Variants in TECPR1 observed in about 807,000 individuals in gnomAD.
TECPR1 encodes tectonin beta-propeller repeat-containing protein 1.
Under a neutral mutation model 162.4 loss-of-function variants are expected in TECPR1, and 122 were observed. That is an observed-to-expected ratio of 0.75 (90% CI 0.65 to 0.87). TECPR1 has a LOEUF of 0.87. Among genes scored for constraint, TECPR1 ranks in the 40% least tolerant of loss-of-function variants. The pLI is 0.00. For synonymous variants in TECPR1, 642 were observed against 670.6 expected, an observed-to-expected ratio of 0.96 and a Z score of 0.66; for missense variants, 1,432 against 1,618.2, an observed-to-expected ratio of 0.88 and a Z score of 1.97.
chr7:98,223,595 A>C, intron 20 of TECPR1, 67 bp downstream of exon 20: 36 of 1,559,082 alleles, frequency 2.3e-5, no homozygotes, highest in Non-Finnish European at 3.2e-5. Context: ...GCAGGGAACC[A>C]GAGCTCCCTC....
rs781079517 is a variant in TECPR1 at position 98,231,092 on chromosome 7, G to T, written c.2151C>A (p.Cys717Ter). Residue 717 changes from cysteine (C) to a stop codon, truncating the protein, a stop_gained, in exon 15 of 26, where the codon TGC becomes TGA. Transcript: ENST00000447648. LOFTEE classifies it high-confidence loss of function. ...GGCGGCCCTGCACCTTCCGGCTCTC[G>T]CAGCAAGACAGGCTGAGCAGGGCGA... is the stretch of plus-strand genomic sequence containing the variant. ...DWLALLSLSC[C>*]ESRKVQGRPS... 6.2e-7 allele frequency: 1 copy of T among 1,603,520 alleles called. No individual in the cohort carries two copies. The highest frequency in any genetic ancestry group is 8.5e-7 in the Non-Finnish European group (1 of 1,175,922).
rs1482233388 is a variant in TECPR1, at chr7:98,217,374, GGT to G, written c.*14_*15del. ...AAACTGGGCACCGTCCCTGCATGTA[GGT>G]GTGTGGGGGGGCCTCAGCAGCAGAC... On this transcript the variant is annotated 3_prime_UTR_variant, in exon 26 of 26. Transcript: ENST00000447648. The G allele has an allele frequency of 6.7e-7, 1 of 1,482,502 alleles. No homozygotes were observed. The highest frequency in any genetic ancestry group is 1.2e-5 in the South Asian group (1 of 83,334). 91.8% of individuals were successfully genotyped at this position (1,482,502 alleles called of 1,614,324 possible).
chr7:98,227,892 T>G, intron 17 of TECPR1, 122 bp downstream of exon 17: 1 of 702,098 alleles, frequency 1.4e-6, no homozygotes, highest in Middle Eastern at 3.4e-4. Context: ...GTTAGTTTCC[T>G]GCTGGCGGCC....
Position 98,241,421 on chromosome 7 carries a change from C to T in TECPR1, c.658-177G>A. 1.4e-6 allele frequency: 1 copy of T among 724,806 alleles called. No homozygotes were observed. Among genetic ancestry groups the T allele is most frequent in the Non-Finnish European group, 2.2e-6 (1 of 448,860 alleles). 44.9% of individuals were successfully genotyped at this position (724,806 alleles called of 1,614,324 possible). A position where few individuals can be genotyped will look rare whatever the true frequency, so the allele number is the denominator to read the frequency against. On this transcript the variant is annotated intron_variant, in intron 6 of 25. Coordinates refer to ENST00000447648, the MANE Select transcript of TECPR1 (RefSeq NM_015395.3). The surrounding 1 kb of genome is among the most constrained non-coding windows in gnomAD (Gnocchi z 5.0). Reference sequence around the variant, plus strand: ...TGGATTCCGGTGGTCCTGAGGGATACACTTGTTCCATTCATCTGTTTGGGG... The same window carrying T: ...TGGATTCCGGTGGTCCTGAGGGATATACTTGTTCCATTCATCTGTTTGGGG...
At chr7:98,247,963 C>T (rs898638614) in intron 2 of TECPR1, among the ~76,000 whole-genome samples, 1 of 152,144 alleles carries the variant, frequency 6.6e-6, no homozygotes, top group Non-Finnish European at 1.5e-5. Flanking sequence ...TGGCCTCAAG[C>T]GATCCTCCCA....
At chr7:98,243,360 G>C in intron 6 of TECPR1, 107 bp downstream of exon 6, 4 of 1,451,358 alleles carry the variant, frequency 2.8e-6, no homozygotes, top group South Asian at 1.3e-5. Flanking sequence ...GCATGGGGTG[G>C]GGGGGCCGGG....
At position 98,217,515 on chromosome 7, in the gene TECPR1, G is replaced by A; in HGVS notation, c.3385-12C>T. On this transcript the variant is annotated splice_polypyrimidine_tract_variant and intron_variant, in intron 25 of 25. Coordinates refer to ENST00000447648, the MANE Select transcript of TECPR1 (RefSeq NM_015395.3). ...TGGTCCCAGCCTCCCTGGAAGGAGAGAGCTGTGTCACCAGGGGACTCGGGG... is the reference window on the plus strand; with the variant it reads ...TGGTCCCAGCCTCCCTGGAAGGAGAAAGCTGTGTCACCAGGGGACTCGGGG... The A allele has an allele frequency of 3.2e-6, 5 of 1,586,988 alleles. No individual in the cohort carries two copies. The highest frequency in any genetic ancestry group is 4.3e-6 in the Non-Finnish European group (5 of 1,168,028).
intron 10 of TECPR1, among the ~76,000 whole-genome samples, chr7:98,235,812 A>C (rs1798580605): frequency 7.3e-6 from 1 of 136,566 alleles, no homozygotes; most frequent in South Asian, 2.5e-4. Flanking sequence ...CCTGGATGAC[A>C]GAGTGAGACT....
In TECPR1 at chr7:98,228,657, C is replaced by A. The variant is rs896187668; in HGVS notation, c.2410+382G>T. On this transcript the variant is annotated intron_variant, in intron 16 of 25. Coordinates refer to ENST00000447648, the MANE Select transcript of TECPR1 (RefSeq NM_015395.3). ...GCATGTGGGCTGCGGCCTGGAACGCCCCGTTTCAGTGTCTGTTTCCGCCTT... is the reference window on the plus strand; with the variant it reads ...GCATGTGGGCTGCGGCCTGGAACGCACCGTTTCAGTGTCTGTTTCCGCCTT... 8 of 217,730 alleles carry A rather than the reference C, an allele frequency of 3.7e-5. No individual in the cohort carries two copies. The Middle Eastern group carries it at 5.5e-3, about 149-fold the overall frequency. 13.5% of individuals were successfully genotyped at this position (217,730 alleles called of 1,614,324 possible). A position where few individuals can be genotyped will look rare whatever the true frequency, so the allele number is the denominator to read the frequency against.
chr7:98,237,849 T>C (rs1013768342), intron 9 of TECPR1, among the ~76,000 whole-genome samples: 1 of 152,208 alleles, frequency 6.6e-6, no homozygotes, highest in African/African-American at 2.4e-5. Flanking sequence ...CATGGCTCAT[T>C]ACAGCCTTGA....
At chr7:98,243,444 G>T in intron 6 of TECPR1, 23 bp downstream of exon 6, 1 of 1,611,098 alleles carries the variant, frequency 6.2e-7, no homozygotes, top group Non-Finnish European at 8.5e-7. Flanking sequence ...GGGAGCCAGG[G>T]CAGGGAGAGG....
intron 2 of TECPR1, among the ~76,000 whole-genome samples, chr7:98,246,515 T>C (rs1264084259): frequency 1.3e-5 from 2 of 152,096 alleles, no homozygotes; most frequent in African/African-American, 4.8e-5. Context: ...TCTGCCTGCC[T>C]CAGCCTCCCA....
intron 9 of TECPR1, among the ~76,000 whole-genome samples, chr7:98,238,301 CT>C (rs1210907350): frequency 1.3e-4 from 20 of 152,198 alleles, no homozygotes; most frequent in Admixed American, 1.3e-3. Context: ...CTGTCTCCCC[CT>C]GGCCTCTGGG....
chr7:98,222,806 CCT>C, intron 21 of TECPR1, 182 bp downstream of exon 21: 1 of 883,448 alleles, frequency 1.1e-6, no homozygotes. Context: ...CCTTGGCCCA[CCT>C]CTGTCACCCC....
chr7:98,228,388 C>T, intron 16 of TECPR1: 1 of 430,232 alleles, frequency 2.3e-6, no homozygotes, highest in Non-Finnish European at 4.3e-6. Flanking sequence ...CCTCCAGCGC[C>T]TCTTCCCACC....
intron 6 of TECPR1, among the ~76,000 whole-genome samples, chr7:98,242,553 TCCATCCACACAC>T (rs1798778086): frequency 7.6e-6 from 1 of 131,016 alleles, no homozygotes; most frequent in Admixed American, 7.6e-5. Context: ...CACCCATCCA[TCCATCCACACAC>T]CCACCCACCC....
At chr7:98,228,230 G>T in intron 16 of TECPR1, 114 bp from the exon 17 acceptor site, 1 of 825,512 alleles carries the variant, frequency 1.2e-6, no homozygotes, top group Non-Finnish European at 2.0e-6. Context: ...CTGGAGCCAG[G>T]TCAGCGGAGA....
chr7:98,243,392 CA>C (rs1288824910), intron 6 of TECPR1, 74 bp downstream of exon 6: 4 of 1,579,848 alleles, frequency 2.5e-6, no homozygotes, highest in Non-Finnish European at 3.4e-6. Context: ...GAGCAAGACC[CA>C]GGGGGTGCAC....
In TECPR1 at chr7:98,232,616, CCAA is replaced by C; in HGVS notation, c.1818+208_1818+210del. 6.6e-6 allele frequency among the ~76,000 whole-genome samples: 1 copy of C among 151,904 alleles called. No individual in the cohort carries two copies. The highest frequency in any genetic ancestry group is 6.6e-5 in the Admixed American group (1 of 15,256). On this transcript the variant is annotated intron_variant, in intron 12 of 25. Transcript: ENST00000447648. The surrounding 1 kb of genome is among the most constrained non-coding windows in gnomAD (Gnocchi z 4.6). ...TGCCGTCTCTGGGTCCCCAGGGCCT[CCAA>C]CGAGTCTGGAACACAGTGAGGCCCA...
Sources: allele counts gnomAD v4.1 joint callset (sites outside exome capture counted in the v4.1 genomes callset), GRCh38; gene constraint gnomAD v4.1.1; non-coding constraint Gnocchi (gnomAD v3.1); transcripts MANE v1.5; gene names NCBI Gene and HGNC (gene_info 2026-07-23, HGNC 2026-07-21).